ZNF385D: variants seen among roughly 807,000 people sequenced by gnomAD.
ZNF385D encodes zinc finger protein 659.
In ZNF385D, 15 loss-of-function variants were observed where a neutral mutation model predicts 35.8. That is an observed-to-expected ratio of 0.42 (90% confidence interval 0.28 to 0.64). The LOEUF (loss-of-function observed/expected upper bound fraction) is 0.64, where lower values mean the gene tolerates loss of function less well. Among genes scored for constraint, ZNF385D ranks in the 30% least tolerant of loss-of-function variants. The probability of loss-of-function intolerance (pLI) is 0.23; values close to 1 mark genes in which losing one functional copy is unlikely to be tolerated. For missense variants in ZNF385D, 474 were observed against 494.6 expected, an observed-to-expected ratio of 0.96 and a Z score of 0.39; for synonymous variants, 212 against 186.8, an observed-to-expected ratio of 1.13 and a Z score of -1.10.
intron 3 of ZNF385D, among the ~76,000 whole-genome samples, chr3:21,557,182 C>T (rs2125620609): frequency 6.6e-6 from 1 of 152,280 alleles, no homozygotes; most frequent in South Asian, 2.1e-4. Context: ...GATCCCCTGG[C>T]CAGAACTTCC....
chr3:21,818,528 G>C (rs1430604794), intron 3 of ZNF385D, among the ~76,000 whole-genome samples: 1 of 152,104 alleles, frequency 6.6e-6, no homozygotes, highest in Non-Finnish European at 1.5e-5. Context: ...TAAATAAAAA[G>C]CCTATTTCTC....
At chr3:22,243,547 G>T (rs1261375658) in intron 2 of ZNF385D, among the ~76,000 whole-genome samples, 2 of 150,880 alleles carry the variant, frequency 1.3e-5, no homozygotes, top group Non-Finnish European at 2.9e-5. Context: ...TTGAAAGTGG[G>T]GTACATTTAG....
intron 3 of ZNF385D, among the ~76,000 whole-genome samples, chr3:21,991,387 G>A (rs754952910): frequency 2.0e-4 from 31 of 152,168 alleles, no homozygotes; most frequent in East Asian, 7.7e-4. Context: ...CCACAAAGCC[G>A]TGAATTTTCT....
intron 3 of ZNF385D, among the ~76,000 whole-genome samples, chr3:22,003,413 A>C (rs1695983788): frequency 6.6e-6 from 1 of 152,218 alleles, no homozygotes; most frequent in Non-Finnish European, 1.5e-5. Context: ...ACACTCATGA[A>C]AGAAATTAAA....
chr3:21,573,822 G>A (rs2063407788), intron 2 of ZNF385D, among the ~76,000 whole-genome samples: 2 of 151,744 alleles, frequency 1.3e-5, no homozygotes, highest in African/African-American at 2.4e-5. Context: ...CACTCTGGAA[G>A]GCCAAGGAGG....
intron 3 of ZNF385D, among the ~76,000 whole-genome samples, chr3:21,840,728 T>A (rs1460571696): frequency 1.3e-5 from 2 of 152,082 alleles, no homozygotes; most frequent in Non-Finnish European, 2.9e-5. Context: ...TATTTATTTA[T>A]ACATTTGCTT....
At chr3:22,356,309 T>C (rs73142210) in intron 2 of ZNF385D, among the ~76,000 whole-genome samples, 8,550 of 152,038 alleles carry the variant, frequency 0.056, 710 homozygotes, top group African/African-American at 0.19. Context: ...TCAATGGGTA[T>C]GGTATGAAAA....
intron 4 of ZNF385D, among the ~76,000 whole-genome samples, chr3:21,451,982 C>G (rs1282011480): frequency 6.6e-6 from 1 of 151,920 alleles, no homozygotes. Context: ...GACATTGCAG[C>G]AATTATATAT....
At chr3:21,952,568 C>T (rs974668856) in intron 3 of ZNF385D, among the ~76,000 whole-genome samples, 2 of 152,066 alleles carry the variant, frequency 1.3e-5, no homozygotes, top group South Asian at 2.1e-4. Context: ...CCCTAAACCT[C>T]AGTTTTCTCA....
At chr3:21,427,285 T>C (rs1701064649) in intron 5 of ZNF385D, among the ~76,000 whole-genome samples, 3 of 152,210 alleles carry the variant, frequency 2.0e-5, no homozygotes. Context: ...ATACAAAATG[T>C]TTCTATGCAG....
At chr3:21,621,990 T>C (rs1432330731) in intron 2 of ZNF385D, among the ~76,000 whole-genome samples, 1 of 152,112 alleles carries the variant, frequency 6.6e-6, no homozygotes, top group Non-Finnish European at 1.5e-5. Context: ...TTGTTTTGCT[T>C]TTATTTCCTT....
At chr3:21,729,880 C>A (rs934996765) in intron 1 of ZNF385D, among the ~76,000 whole-genome samples, 2 of 152,284 alleles carry the variant, frequency 1.3e-5, no homozygotes, top group African/African-American at 4.8e-5. Context: ...TAAATTCCCT[C>A]CTGCTGGAAT....
At chr3:21,570,789 C>G (rs1466097134) in intron 2 of ZNF385D, among the ~76,000 whole-genome samples, 4 of 152,116 alleles carry the variant, frequency 2.6e-5, no homozygotes, top group African/African-American at 9.7e-5. Flanking sequence ...GCACCATAAT[C>G]AAGCTTTGTA....
chr3:22,072,662 G>C (rs760236022), intron 3 of ZNF385D, among the ~76,000 whole-genome samples: 25 of 151,864 alleles, frequency 1.6e-4, no homozygotes, highest in Non-Finnish European at 3.4e-4. Flanking sequence ...AGGCAAGAAG[G>C]AATGGAGAAA....
intron 4 of ZNF385D, chr3:21,443,434 C>T (rs1300420127): frequency 1.5e-5 from 10 of 648,328 alleles, no homozygotes; most frequent in Non-Finnish European, 1.9e-5. Context: ...TCTTATAGAA[C>T]CCATCCATAT....
intron 3 of ZNF385D, among the ~76,000 whole-genome samples, chr3:22,141,484 A>C (rs1373661197): frequency 6.6e-6 from 1 of 152,152 alleles, no homozygotes; most frequent in African/African-American, 2.4e-5. Flanking sequence ...ATCCTAGCTA[A>C]ACTTTGCTGA....
chr3:22,264,583 C>T (rs1210755762), intron 2 of ZNF385D, among the ~76,000 whole-genome samples: 1 of 151,960 alleles, frequency 6.6e-6, no homozygotes, highest in Non-Finnish European at 1.5e-5. Flanking sequence ...TTTTTCACTT[C>T]CTTGCTTCAT....
At chr3:21,653,864 G>A (rs766554567) in intron 2 of ZNF385D, among the ~76,000 whole-genome samples, 19 of 151,936 alleles carry the variant, frequency 1.3e-4, no homozygotes, top group Non-Finnish European at 2.2e-4. Flanking sequence ...AGAAAACGCT[G>A]GTTATCTGTC....
At chr3:22,013,366 T>C (rs1696692781) in intron 3 of ZNF385D, among the ~76,000 whole-genome samples, 1 of 152,174 alleles carries the variant, frequency 6.6e-6, no homozygotes, top group South Asian at 2.1e-4. Flanking sequence ...CTAAACATGA[T>C]GATGATCACT....
Sources: gnomAD v4.1 joint callset for allele counts (sites outside exome capture counted in the v4.1 genomes callset) on GRCh38, gnomAD v4.1.1 for gene constraint, MANE v1.5 for transcripts, NCBI Gene and HGNC (gene_info 2026-07-23, HGNC 2026-07-21) for gene names.